SCRIB: variants seen among roughly 807,000 people sequenced by gnomAD.
SCRIB encodes the protein protein scribble homolog.
Under a neutral mutation model 170.0 loss-of-function variants are expected in SCRIB, and 72 were observed. The observed-to-expected ratio is 0.42, with a 90% CI of 0.35 to 0.52. The LOEUF (loss-of-function observed/expected upper bound fraction) is 0.52, where lower values mean the gene tolerates loss of function less well. Among genes scored for constraint, SCRIB ranks in the 20% least tolerant of loss-of-function variants. The probability of loss-of-function intolerance (pLI) is 0.02; values close to 1 mark genes in which losing one functional copy is unlikely to be tolerated. For missense variants in SCRIB, 2,475 were observed against 2,338.5 expected, an observed-to-expected ratio of 1.06 and a Z score of -1.20; for synonymous variants, 1,298 against 1,044.3, an observed-to-expected ratio of 1.24 and a Z score of -4.68.
rs552937477 is a variant in SCRIB, at chr8:143,795,410, C to G, written c.3714+10G>C. On this transcript the variant is annotated intron_variant, in intron 25 of 36. Transcript: ENST00000356994. ...TGGCCCTGGGGCTGCCGGCTGCAGGCACCTCTGACCTTGCCTGGGCCCTCA... is the reference window on the plus strand; with the variant it reads ...TGGCCCTGGGGCTGCCGGCTGCAGGGACCTCTGACCTTGCCTGGGCCCTCA... 6.2e-7 allele frequency: 1 copy of G among 1,612,620 alleles called. No individual in the cohort carries two copies. Among genetic ancestry groups the G allele is most frequent in the South Asian group, 1.1e-5 (1 of 90,966 alleles).
At chr8:143,791,956 A>C in intron 33 of SCRIB, 35 bp downstream of exon 33, 1 of 1,487,498 alleles carries the variant, frequency 6.7e-7, no homozygotes, top group East Asian at 2.5e-5. Context: ...CCCATGCGGC[A>C]GGCTGACCCC....
intron 27 of SCRIB, chr8:143,794,220 G>A: frequency 9.9e-6 from 5 of 505,822 alleles, no homozygotes; most frequent in Non-Finnish European, 1.8e-5. Flanking sequence ...GGAGAGATGG[G>A]AGCAGACAGG....
In SCRIB at chr8:143,803,450, C is replaced by T. The variant is rs532405757; in HGVS notation, c.3536G>A (p.Ser1179Asn). 31 of 1,597,764 alleles carry T rather than the reference C, an allele frequency of 1.9e-5. No homozygotes were observed. In the Middle Eastern group the frequency reaches 6.7e-4, roughly 35 times the overall value. The change falls in exon 24 of 37, where the codon AGT becomes AAT. Residue 1179 changes from serine to asparagine, a missense_variant. Around this residue, in one of 3 missense-constraint regions of SCRIB, gnomAD observed 1,966 missense variants for 1,742.9 expected, o/e 1.13. Coordinates refer to ENST00000356994, the MANE Select transcript of SCRIB (RefSeq NM_182706.5). Reference sequence around the variant, plus strand: ...CAGCACGGTGAGGGTGTCGCCCACACTGCGGAGCAGCTGCACCGCCTCGCC... The same window carrying T: ...CAGCACGGTGAGGGTGTCGCCCACATTGCGGAGCAGCTGCACCGCCTCGCC... ...THGEAVQLLR[S>N]VGDTLTVLVC...
Position 143,813,680 on chromosome 8 carries a change from G to C in SCRIB, c.403C>G (p.Leu135Val), listed in dbSNP as rs540471606. 3 of 1,613,612 alleles carry C rather than the reference G, an allele frequency of 1.9e-6. No homozygotes were observed. The African/African-American group carries it at 4.0e-5, about 21-fold the overall frequency. ...AGTGCCTGCAGAGACACATCATTCA[G>C]GGCCAGGTGAGCCAGGCTGCGCAGC... ...TQLRSLAHLA[L>V]NDVSLQALPG... Residue 135 changes from leucine to valine, a missense_variant, in exon 4 of 37, where the codon CTG becomes GTG. Transcript: ENST00000356994.
chr8:143,810,486 G>A lies in SCRIB; in HGVS notation c.1523C>T (p.Ala508Val). Residue 508 changes from alanine to valine, a missense_variant, in exon 13 of 37, where the codon GCA (alanine) becomes GTA (valine). Ala to Val is a moderately conservative substitution (Grantham distance 64, BLOSUM62 0). This residue lies in a region of SCRIB where 1,966 missense variants were observed against 1,742.9 expected (regional missense o/e 1.13). Coordinates refer to ENST00000356994, the MANE Select transcript of SCRIB (RefSeq NM_182706.5). ...CQPDSGSPLP[A>V]EEEKRLSAES... ...CCGTGGCTCCATGCCCACCTCCTCT[G>A]CAGGCAAGGGCGACCCAGAGTCTGG... is the stretch of plus-strand genomic sequence containing the variant. 1 of 1,608,322 alleles carries A rather than the reference G, an allele frequency of 6.2e-7. No homozygotes were observed. The highest frequency in any genetic ancestry group is 8.5e-7 in the Non-Finnish European group (1 of 1,179,758).
chr8:143,813,767 G>A (rs1815875098), intron 3 of SCRIB, 41 bp from the exon 4 acceptor site: 2 of 1,611,724 alleles, frequency 1.2e-6, no homozygotes, highest in South Asian at 1.1e-5. Context: ...GACCAGTCCA[G>A]GGCTGTGGGA....
chr8:143,812,265 C>A lies in SCRIB; in HGVS notation c.906+1G>T. 6.3e-7 allele frequency: 1 copy of A among 1,594,762 alleles called. No homozygotes were observed. Among genetic ancestry groups the A allele is most frequent in the Non-Finnish European group, 8.6e-7 (1 of 1,162,382 alleles). ...TTTCTGCCTCCCAAGCCAGACCCTA[C>A]CATCAGCAGGTTCTCCGTGAGGATC... On this transcript the variant is annotated splice_donor_variant, in intron 9 of 36. Transcript: ENST00000356994. LOFTEE classifies it high-confidence loss of function.
At chr8:143,798,296 A>T (rs1358145807) in intron 24 of SCRIB, among the ~76,000 whole-genome samples, 1 of 152,190 alleles carries the variant, frequency 6.6e-6, no homozygotes, top group African/African-American at 2.4e-5. Flanking sequence ...AGTTACCCTA[A>T]AAGCTAAAAT....
At chr8:143,795,389 C>G in intron 25 of SCRIB, 31 bp downstream of exon 25, 1 of 1,612,696 alleles carries the variant, frequency 6.2e-7, no homozygotes, top group South Asian at 1.1e-5. Flanking sequence ...GCTCCCTGGC[C>G]CTGGGGCTGC....
intron 15 of SCRIB, among the ~76,000 whole-genome samples, chr8:143,807,940 G>A (rs1224254369): frequency 6.6e-5 from 10 of 152,200 alleles, no homozygotes; most frequent in African/African-American, 2.4e-4. Context: ...ACTCCCCCTG[G>A]AATCTGAGTT....
chr8:143,810,206 C>G (rs969028996), intron 13 of SCRIB, among the ~76,000 whole-genome samples: 1 of 152,170 alleles, frequency 6.6e-6, no homozygotes, highest in African/African-American at 2.4e-5. Flanking sequence ...TACCCCACAA[C>G]CAAACCCCAT....
intron 14 of SCRIB, 129 bp downstream of exon 14, chr8:143,809,422 C>G: frequency 9.3e-7 from 1 of 1,069,720 alleles, no homozygotes; most frequent in East Asian, 2.4e-5. Context: ...CTGTACAGGG[C>G]AGCTCCCCGA....
At chr8:143,804,478 G>A in intron 21 of SCRIB, 90 bp downstream of exon 21, 1 of 1,350,522 alleles carries the variant, frequency 7.4e-7, no homozygotes. Context: ...ACCTGGAGTG[G>A]GCCGCAAGGC....
In SCRIB at chr8:143,813,523, G is replaced by T; in HGVS notation, c.450C>A (p.Leu150=). 1 of 1,613,280 alleles carries T rather than the reference G, an allele frequency of 6.2e-7. No individual in the cohort carries two copies. The highest frequency in any genetic ancestry group is 8.5e-7 in the Non-Finnish European group (1 of 1,179,982). The stretch of plus-strand genomic sequence containing the variant: ...GGAGCTCCAGGGTCACCAGGTTGGC[G>T]AGGCTGAAAGAGAGACCAGGCGCTG... ...LQALPGDVGN[L]ANLVTLELRE... is the part of the protein sequence containing the mutation. Residue 150 remains leucine, a synonymous_variant, in exon 5 of 37, where the codon CTC becomes CTA. Transcript: ENST00000356994.
At chr8:143,811,478 G>C (rs1438737240) in intron 9 of SCRIB, 133 bp from the exon 10 acceptor site, 1 of 755,776 alleles carries the variant, frequency 1.3e-6, no homozygotes, top group Non-Finnish European at 2.2e-6. Flanking sequence ...CTGGAGACCG[G>C]GACAAGGACC....
chr8:143,810,672 C>T lies in SCRIB; in HGVS notation c.1404+14G>A. The T allele has an allele frequency of 1.9e-6, 3 of 1,602,714 alleles. No individual in the cohort carries two copies. The highest frequency in any genetic ancestry group is 2.6e-6 in the Non-Finnish European group (3 of 1,171,804). On this transcript the variant is annotated intron_variant, in intron 12 of 36. Coordinates refer to ENST00000356994, the MANE Select transcript of SCRIB (RefSeq NM_182706.5). ...TCAGGCAGAGGTTCGCCCCCCAGATCCTCACCCTCATACCCGCTTCTCAGC... is the reference window on the plus strand; with the variant it reads ...TCAGGCAGAGGTTCGCCCCCCAGATTCTCACCCTCATACCCGCTTCTCAGC...
rs1167913962 is a variant in SCRIB, at chr8:143,807,165, C to A, written c.2179-152G>T. On this transcript the variant is annotated intron_variant, in intron 16 of 36. Transcript: ENST00000356994. ...TGCCACTCACCAGCCAGGGCCAGCC[C>A]AGACGCCAGCTGGAGAAGCCCCAAG... 4 of 650,546 alleles carry A rather than the reference C, an allele frequency of 6.1e-6. No individual in the cohort carries two copies. The East Asian group carries it at 1.1e-4, about 18-fold the overall frequency. The allele number at this position is 650,546 out of a possible 1,614,324, so 40.3% of individuals were successfully genotyped here.
intron 28 of SCRIB, chr8:143,793,560 A>AG: frequency 2.9e-6 from 1 of 346,992 alleles, no homozygotes; most frequent in Admixed American, 4.3e-5. Flanking sequence ...AGGTGCCAAC[A>AG]GTGGGGGGGC....
chr8:143,802,957 C>G (rs965034075), intron 24 of SCRIB, among the ~76,000 whole-genome samples: 1 of 152,198 alleles, frequency 6.6e-6, no homozygotes, highest in African/African-American at 2.4e-5. Flanking sequence ...CAAGGTGCCA[C>G]TAGGCACAGG....
Sources: gnomAD v4.1 joint callset for allele counts (sites outside exome capture counted in the v4.1 genomes callset) on GRCh38, gnomAD v4.1.1 for gene constraint, gnomAD v4.1.1 regional missense constraint, MANE v1.5 for transcripts, NCBI Gene and HGNC (gene_info 2026-07-23, HGNC 2026-07-21) for gene names.